Variants in CLCA1 observed in about 807,000 individuals in gnomAD.
CLCA1 encodes the protein chloride channel accessory 1.
Under a neutral mutation model 85.6 loss-of-function variants are expected in CLCA1, and 59 were observed. The observed-to-expected ratio is 0.69, with a 90% CI of 0.56 to 0.86. CLCA1 has a LOEUF of 0.86. Ranked by LOEUF, CLCA1 falls within the 40% of genes least tolerant of loss-of-function variation. CLCA1 has a pLI of 0.00. For synonymous variants in CLCA1, 396 were observed against 398.3 expected (o/e 0.99, Z 0.07); for missense variants, 1,022 against 1,101.4 (o/e 0.93, Z 1.02).
At chr1:86,490,844 T>C (rs1173427382) in intron 8 of CLCA1, among the ~76,000 whole-genome samples, 1 of 150,410 alleles carries the variant, frequency 6.6e-6, no homozygotes, top group African/African-American at 2.5e-5. Context: ...GGCAGGTGGA[T>C]TGATTGAGCC....
Position 86,486,756 on chromosome 1 carries a change from G to A in CLCA1, c.1182+3G>A, listed in dbSNP as rs376230857. The A allele has an allele frequency of 1.9e-5, 31 of 1,612,918 alleles. No homozygotes were observed. Among genetic ancestry groups the A allele is most frequent in the East Asian group, 8.9e-5 (4 of 44,902 alleles). ...GCGGGCTTCGATCGGCATTTACTGT[G>A]AGATGTGTTTTTCTATTGTAGTTTG... On this transcript the variant is annotated splice_donor_region_variant and intron_variant, in intron 7 of 13. Transcript: ENST00000394711.
intron 4 of CLCA1, among the ~76,000 whole-genome samples, chr1:86,477,029 C>A (rs979043155): frequency 5.3e-5 from 8 of 152,224 alleles, no homozygotes; most frequent in African/African-American, 1.9e-4. Context: ...CCCACCTCAG[C>A]CCCCTGAGTA....
Position 86,500,091 on chromosome 1 carries a change from T to C in CLCA1, c.*46T>C. On this transcript the variant is annotated 3_prime_UTR_variant, in exon 14 of 14. Transcript: ENST00000394711. ...AATAAAATAAATCATTCATCCTTTT[T>C]TTTGATTATAAAATTTTCTAAAATG... is the stretch of plus-strand genomic sequence containing the variant. The C allele has an allele frequency of 5.1e-6, 7 of 1,368,612 alleles. No homozygotes were observed. The highest frequency in any genetic ancestry group is 6.0e-6 in the Non-Finnish European group (6 of 993,102). The allele number at this position is 1,368,612 out of a possible 1,614,324, so 84.8% of individuals were successfully genotyped here.
chr1:86,498,584 G>T lies in CLCA1; in HGVS notation c.2126G>T (p.Trp709Leu). Residue 709 changes from tryptophan (W) to leucine (L), a missense_variant, in exon 13 of 14, where the codon TGG becomes TTG. By Grantham distance (61) the Trp-to-Leu change is moderately conservative. Transcript: ENST00000394711. ...TTTTTTAATGCAGATGAAATACAATGGAATCCACCAAGACCTGAAATTAAT... is the reference window on the plus strand; with the variant it reads ...TTTTTTAATGCAGATGAAATACAATTGAATCCACCAAGACCTGAAATTAAT... The part of the protein sequence containing the change: ...PGWIENDEIQ[W>L]NPPRPEINKD... 6.2e-7 allele frequency: 1 copy of T among 1,613,192 alleles called. No individual in the cohort carries two copies. Among genetic ancestry groups the T allele is most frequent in the Non-Finnish European group, 8.5e-7 (1 of 1,179,380 alleles).
At chr1:86,483,349 A>G (rs1647870810) in intron 5 of CLCA1, among the ~76,000 whole-genome samples, 1 of 152,174 alleles carries the variant, frequency 6.6e-6, no homozygotes, top group African/African-American at 2.4e-5. Flanking sequence ...TAACATAAAA[A>G]CATTACCGAA....
chr1:86,480,557 G>A (rs1296089083), intron 4 of CLCA1, among the ~76,000 whole-genome samples: 1 of 152,054 alleles, frequency 6.6e-6, no homozygotes, highest in Admixed American at 6.6e-5. Context: ...TGGGGGTGAG[G>A]TTGAAGCTGC....
chr1:86,478,143 A>G (rs920827221), intron 4 of CLCA1, among the ~76,000 whole-genome samples: 2 of 152,122 alleles, frequency 1.3e-5, no homozygotes, highest in Non-Finnish European at 2.9e-5. Context: ...AGAGACATCA[A>G]GTGGGCCGGG....
intron 12 of CLCA1, 102 bp from the exon 13 acceptor site, chr1:86,498,470 A>T: frequency 5.3e-6 from 6 of 1,142,766 alleles, no homozygotes; most frequent in Non-Finnish European, 7.6e-6. Context: ...GGAAAGAAGC[A>T]GAAGTGGGGA....
intron 6 of CLCA1, 111 bp from the exon 7 acceptor site, chr1:86,486,415 A>G (rs1438191981): frequency 1.1e-6 from 1 of 894,486 alleles, no homozygotes. Flanking sequence ...AAGTAAGCTT[A>G]TGGTCATTTG....
intron 8 of CLCA1, among the ~76,000 whole-genome samples, chr1:86,490,575 G>A (rs1648107128): frequency 6.6e-6 from 1 of 152,118 alleles, no homozygotes; most frequent in Admixed American, 6.5e-5. Flanking sequence ...TTTCAAATAA[G>A]AGTAAATCGA....
At chr1:86,481,354 G>T (rs1042975820) in intron 4 of CLCA1, among the ~76,000 whole-genome samples, 8 of 152,008 alleles carry the variant, frequency 5.3e-5, no homozygotes, top group Admixed American at 3.3e-4. Flanking sequence ...GCCCAGGCTG[G>T]TCTCAAATTT....
intron 5 of CLCA1, 73 bp from the exon 6 acceptor site, chr1:86,485,270 C>A (rs1000231542): frequency 5.2e-6 from 6 of 1,159,798 alleles, no homozygotes; most frequent in Non-Finnish European, 7.6e-6. Flanking sequence ...GCAGAGCAGA[C>A]AGGTCTAACA....
intron 5 of CLCA1, among the ~76,000 whole-genome samples, chr1:86,484,262 G>C (rs970030661): frequency 2.0e-5 from 3 of 152,212 alleles, no homozygotes; most frequent in African/African-American, 7.2e-5. Flanking sequence ...AAGCTATAAA[G>C]GGTGGAATGG....
At chr1:86,478,646 C>T (rs1327308058) in intron 4 of CLCA1, among the ~76,000 whole-genome samples, 1 of 152,232 alleles carries the variant, frequency 6.6e-6, no homozygotes, top group African/African-American at 2.4e-5. Context: ...TCCTAAGCTT[C>T]CAGCCAGTTA....
intron 12 of CLCA1, among the ~76,000 whole-genome samples, chr1:86,495,880 C>G (rs1648270179): frequency 6.6e-6 from 1 of 152,156 alleles, no homozygotes; most frequent in South Asian, 2.1e-4. Context: ...TAACCTCTAT[C>G]CATTATTTGT....
At position 86,469,015 on chromosome 1, in the gene CLCA1, T is replaced by C. The variant is rs145304242; in HGVS notation, c.44T>C (p.Leu15Pro). 577 of 1,613,228 alleles carry C rather than the reference T, an allele frequency of 3.6e-4. No homozygotes were observed. The highest frequency in any genetic ancestry group is 3.8e-4 in the Non-Finnish European group (444 of 1,179,472). ...TCTGTGTTCATCTTGATTCTTCACC[T>C]TCTAGAAGGGGCCCTGAGTAATTCA... is the stretch of plus-strand genomic sequence containing the variant. ...KSSVFILILH[L>P]LEGALSNSLI... Residue 15 changes from leucine to proline, a missense_variant, in exon 1 of 14, where the codon CTT (leucine) becomes CCT (proline). Coordinates refer to ENST00000394711, the MANE Select transcript of CLCA1 (RefSeq NM_001285.4).
In CLCA1 at chr1:86,491,221, T is replaced by C. The variant is rs751788466; in HGVS notation, c.1358-44T>C. On this transcript the variant is annotated intron_variant, in intron 8 of 13. Transcript: ENST00000394711. ...ACAACAGCTAAAATGTTGCAAATAG[T>C]TGCTTTCTGGAAAATAATTTCTGAA... 1.3e-5 allele frequency: 18 copies of C among 1,434,552 alleles called. No individual in the cohort carries two copies. The Middle Eastern group carries it at 5.3e-4, about 42-fold the overall frequency. The allele number at this position is 1,434,552 out of a possible 1,614,324, so 88.9% of individuals were successfully genotyped here. A position where few individuals can be genotyped will look rare whatever the true frequency, so the allele number is the denominator to read the frequency against.
intron 4 of CLCA1, among the ~76,000 whole-genome samples, chr1:86,479,071 A>C (rs1647751403): frequency 6.6e-6 from 1 of 152,254 alleles, no homozygotes; most frequent in Admixed American, 6.5e-5. Context: ...GGATGTAAAA[A>C]GATGGAAAGG....
At chr1:86,473,582 A>G in intron 2 of CLCA1, 25 bp downstream of exon 2, 2 of 1,564,700 alleles carry the variant, frequency 1.3e-6, no homozygotes, top group Non-Finnish European at 1.7e-6. Context: ...TTCTTCTTTA[A>G]AATTCCACTT....
Sources: gnomAD v4.1 joint callset for allele counts (sites outside exome capture counted in the v4.1 genomes callset) on GRCh38, gnomAD v4.1.1 for gene constraint, MANE v1.5 for transcripts, NCBI Gene and HGNC (gene_info 2026-07-23, HGNC 2026-07-21) for gene names.